Variants in CNTNAP2 observed in about 807,000 individuals in gnomAD.
CNTNAP2 encodes the protein contactin associated protein 2.
In CNTNAP2, 98 loss-of-function variants were observed where a neutral mutation model predicts 155.2. The ratio of observed to expected loss-of-function variants is 0.63; its 90% confidence interval spans 0.54 to 0.75. The LOEUF (loss-of-function observed/expected upper bound fraction) is 0.75. Ranked by LOEUF, CNTNAP2 falls within the 30% of genes least tolerant of loss-of-function variation. The pLI, the probability that CNTNAP2 is intolerant of heterozygous loss-of-function variation, is 0.00. For synonymous variants in CNTNAP2, 651 were observed against 631.2 expected, an observed-to-expected ratio of 1.03 and a Z score of -0.47; for missense variants, 1,727 against 1,688.1, an observed-to-expected ratio of 1.02 and a Z score of -0.40.
intron 15 of CNTNAP2, among the ~76,000 whole-genome samples, chr7:147,995,185 C>A (rs532861514): frequency 1.3e-5 from 2 of 152,106 alleles, no homozygotes; most frequent in Non-Finnish European, 2.9e-5. Context: ...AGGCATGCAC[C>A]CAAAACCCAG....
chr7:147,366,404 A>G (rs150004705), intron 9 of CNTNAP2, among the ~76,000 whole-genome samples: 1,659 of 151,776 alleles, frequency 0.011, 12 homozygotes, highest in Non-Finnish European at 0.016. Context: ...TTTTTTTCAT[A>G]ATTTTCATAA....
chr7:147,504,134 C>A (rs1397262515), intron 11 of CNTNAP2, among the ~76,000 whole-genome samples: 1 of 152,124 alleles, frequency 6.6e-6, no homozygotes, highest in African/African-American at 2.4e-5. Flanking sequence ...TTCCAAACAG[C>A]CTGGAGACTG....
intron 18 of CNTNAP2, among the ~76,000 whole-genome samples, chr7:148,204,359 A>T (rs1795413474): frequency 6.6e-6 from 1 of 152,272 alleles, no homozygotes; most frequent in Admixed American, 6.5e-5. Context: ...AACCAAAGTT[A>T]TAATCTATAG....
intron 15 of CNTNAP2, among the ~76,000 whole-genome samples, chr7:148,043,262 C>T (rs749402030): frequency 3.8e-4 from 58 of 152,328 alleles, no homozygotes; most frequent in Non-Finnish European, 6.8e-4. Context: ...ATAATCAGTA[C>T]ACCTCTGATT....
chr7:146,904,162 C>T (rs945569464), intron 3 of CNTNAP2, among the ~76,000 whole-genome samples: 1 of 152,066 alleles, frequency 6.6e-6, no homozygotes, highest in African/African-American at 2.4e-5. Context: ...TTTCAGCCAC[C>T]CTGCCTCTAA....
At position 147,129,938 on chromosome 7, in the gene CNTNAP2, G is replaced by A. The variant is rs62481811; in HGVS notation, c.1083+1102G>A. ...TATTGACTATGGAAAAATAATAATA[G>A]CTCCATTTATAGGCAACAGGTATTG... On this transcript the variant is annotated intron_variant, in intron 7 of 23. Coordinates refer to ENST00000361727, the MANE Select transcript of CNTNAP2 (RefSeq NM_014141.6). Among the ~76,000 whole-genome samples, 451 of 152,070 alleles carry A rather than the reference G, an allele frequency of 3.0e-3. 1 individual carries two copies. Among genetic ancestry groups the A allele is most frequent in the Non-Finnish European group, 5.2e-3 (355 of 68,010 alleles).
intron 1 of CNTNAP2, among the ~76,000 whole-genome samples, chr7:146,161,076 G>A (rs181458520): frequency 5.9e-4 from 90 of 152,166 alleles, no homozygotes; most frequent in African/African-American, 1.6e-3. Flanking sequence ...ATAATCCATC[G>A]TATAAACGGA....
At chr7:148,029,192 C>G (rs1386730370) in intron 15 of CNTNAP2, among the ~76,000 whole-genome samples, 4 of 152,054 alleles carry the variant, frequency 2.6e-5, no homozygotes, top group Non-Finnish European at 5.9e-5. Context: ...TTTGATTATT[C>G]TAGTCATGTA....
At chr7:146,432,897 A>G (rs1796192022) in intron 1 of CNTNAP2, among the ~76,000 whole-genome samples, 1 of 152,130 alleles carries the variant, frequency 6.6e-6, no homozygotes, top group Non-Finnish European at 1.5e-5. Context: ...TTGTAAGTGC[A>G]TTTATTAAAC....
chr7:148,009,081 C>T (rs754096497), intron 15 of CNTNAP2, among the ~76,000 whole-genome samples: 11 of 152,088 alleles, frequency 7.2e-5, no homozygotes, highest in Non-Finnish European at 1.6e-4. Flanking sequence ...GGTTATGTCC[C>T]AATAAATCCA....
intron 9 of CNTNAP2, among the ~76,000 whole-genome samples, chr7:147,316,716 T>A (rs186318843): frequency 1.3e-5 from 2 of 151,862 alleles, no homozygotes; most frequent in Admixed American, 1.3e-4. Context: ...AGTAGTTATA[T>A]ACAAGAATGT....
chr7:147,332,432 G>T (rs77891810), intron 9 of CNTNAP2, among the ~76,000 whole-genome samples: 1 of 151,996 alleles, frequency 6.6e-6, no homozygotes, highest in Admixed American at 6.6e-5. Flanking sequence ...CTAAAAATGC[G>T]GATATTTTTA....
chr7:148,135,525 C>A (rs1804918472), intron 16 of CNTNAP2, among the ~76,000 whole-genome samples: 1 of 152,028 alleles, frequency 6.6e-6, no homozygotes, highest in Non-Finnish European at 1.5e-5. Context: ...CATATCACAG[C>A]CTCAAGCTGC....
intron 10 of CNTNAP2, among the ~76,000 whole-genome samples, chr7:147,468,284 A>C (rs1355905173): frequency 6.6e-6 from 1 of 152,208 alleles, no homozygotes; most frequent in African/African-American, 2.4e-5. Context: ...TGTCTCAAAA[A>C]AAAGAAAACA....
chr7:146,239,059 T>C (rs923205797), intron 1 of CNTNAP2, among the ~76,000 whole-genome samples: 1 of 152,160 alleles, frequency 6.6e-6, no homozygotes, highest in South Asian at 2.1e-4. Flanking sequence ...ATAATATCTC[T>C]AGGAAAATGT....
At chr7:148,408,102 A>G (rs932552960) in intron 22 of CNTNAP2, among the ~76,000 whole-genome samples, 1 of 152,118 alleles carries the variant, frequency 6.6e-6, no homozygotes, top group African/African-American at 2.4e-5. Context: ...AAAATTAGCC[A>G]GGCATGGTGG....
At chr7:147,114,134 T>C (rs1800938766) in intron 5 of CNTNAP2, among the ~76,000 whole-genome samples, 1 of 152,208 alleles carries the variant, frequency 6.6e-6, no homozygotes, top group Non-Finnish European at 1.5e-5. Flanking sequence ...TTGAGAGAAT[T>C]TCTTAATCAT....
chr7:147,711,031 C>T (rs1439289205), intron 13 of CNTNAP2, among the ~76,000 whole-genome samples: 2 of 152,158 alleles, frequency 1.3e-5, no homozygotes, highest in Non-Finnish European at 2.9e-5. Context: ...TTGACATTCT[C>T]GTAATACAGC....
At chr7:146,688,940 A>G (rs983931715) in intron 1 of CNTNAP2, among the ~76,000 whole-genome samples, 19 of 152,264 alleles carry the variant, frequency 1.2e-4, no homozygotes, top group African/African-American at 4.6e-4. Flanking sequence ...TAAAACTAAG[A>G]TATTTAGCTA....
Sources: allele counts gnomAD v4.1 joint callset (sites outside exome capture counted in the v4.1 genomes callset), GRCh38; gene constraint gnomAD v4.1.1; transcripts MANE v1.5; gene names NCBI Gene and HGNC (gene_info 2026-07-23, HGNC 2026-07-21).